HTR1F: variants seen among roughly 807,000 people sequenced by gnomAD.
The protein encoded by HTR1F is 5-hydroxytryptamine receptor 1F.
In HTR1F, 17 loss-of-function variants were observed where a neutral mutation model predicts 24.0. The observed-to-expected ratio is 0.71, with a 90% CI of 0.48 to 1.06. The LOEUF is 1.06. Ranked by LOEUF, HTR1F falls within the 50% of genes least tolerant of loss-of-function variation. HTR1F has a pLI of 0.00. For synonymous variants in HTR1F, 186 were observed against 156.8 expected (o/e 1.19, Z -1.39); for missense variants, 391 against 427.8 (o/e 0.91, Z 0.76).
chr3:87,821,592 AAC>A (rs1230142580), intron 1 of HTR1F, among the ~76,000 whole-genome samples: 2 of 152,164 alleles, frequency 1.3e-5, no homozygotes, highest in Non-Finnish European at 2.9e-5. Context: ...GTTATTTGAT[AAC>A]ACTGTTCATG....
At chr3:87,969,284 C>A (rs1384143073) in intron 2 of HTR1F, among the ~76,000 whole-genome samples, 1 of 152,178 alleles carries the variant, frequency 6.6e-6, no homozygotes, top group Non-Finnish European at 1.5e-5. Context: ...ACAGCTTGCG[C>A]CTGTGTGCCA....
intron 2 of HTR1F, among the ~76,000 whole-genome samples, chr3:87,825,125 T>C (rs1401949970): frequency 1.3e-5 from 2 of 152,216 alleles, no homozygotes; most frequent in Non-Finnish European, 2.9e-5. Flanking sequence ...TAATGTCTTA[T>C]TTGCCTTAAC....
intron 2 of HTR1F, among the ~76,000 whole-genome samples, chr3:87,839,122 C>A (rs1395952268): frequency 3.3e-5 from 5 of 150,490 alleles, no homozygotes; most frequent in Admixed American, 2.7e-4. Flanking sequence ...GGTTCATACT[C>A]AAAAAAATCA....
chr3:87,896,561 A>G (rs1706203213), intron 2 of HTR1F, among the ~76,000 whole-genome samples: 1 of 152,214 alleles, frequency 6.6e-6, no homozygotes, highest in Non-Finnish European at 1.5e-5. Context: ...GAGCAAAAAT[A>G]AACAAATGAG....
chr3:87,933,106 A>G, intron 2 of HTR1F, among the ~76,000 whole-genome samples: 1 of 151,598 alleles, frequency 6.6e-6, no homozygotes, highest in Non-Finnish European at 1.5e-5. Flanking sequence ...CAAAAACCAC[A>G]TGATTATCTC....
chr3:87,914,185 G>T (rs1009623479), intron 2 of HTR1F, among the ~76,000 whole-genome samples: 34 of 152,244 alleles, frequency 2.2e-4, no homozygotes, highest in African/African-American at 6.7e-4. Context: ...GGTGGCAGCA[G>T]GAAACCCCTG....
intron 1 of HTR1F, among the ~76,000 whole-genome samples, chr3:87,797,029 C>A (rs1703916560): frequency 6.6e-6 from 1 of 152,160 alleles, no homozygotes; most frequent in Non-Finnish European, 1.5e-5. Context: ...GTTTCAGTTA[C>A]CGGCAGTCAA....
chr3:87,953,176 G>T lies in HTR1F; in HGVS notation c.-42-37532G>T, dbSNP rs188593015. Among the ~76,000 whole-genome samples the T allele has an allele frequency of 1.1e-3, 174 of 151,406 alleles. 1 individual carries two copies. The highest frequency in any genetic ancestry group is 1.8e-3 in the Non-Finnish European group (124 of 67,642). ...TATAACTAAGACTTCAAAAGCACAG[G>T]CAACAAAAACAAAAATAGAGAAAAA... is the stretch of plus-strand genomic sequence containing the variant. On this transcript the variant is annotated intron_variant, in intron 2 of 2. Coordinates refer to ENST00000319595, the MANE Select transcript of HTR1F (RefSeq NM_001322209.2).
At position 87,815,304 on chromosome 3, in the gene HTR1F, ATG is replaced by A. The variant is rs1704230286; in HGVS notation, c.-159-6703_-159-6702del. Among the ~76,000 whole-genome samples, 5 of 152,160 alleles carry A rather than the reference ATG, an allele frequency of 3.3e-5. No individual in the cohort carries two copies. The South Asian group carries it at 8.3e-4, about 25-fold the overall frequency. On this transcript the variant is annotated intron_variant, in intron 1 of 2. Coordinates refer to ENST00000319595, the MANE Select transcript of HTR1F (RefSeq NM_001322209.2). ...GGGTGAATCAAATATATATATATAT[ATG>A]AACTGATACAGAAGTAGAAAAGATT... is the stretch of plus-strand genomic sequence containing the variant.
chr3:87,884,655 A>G (rs1267551046), intron 2 of HTR1F, among the ~76,000 whole-genome samples: 1 of 151,408 alleles, frequency 6.6e-6, no homozygotes, highest in African/African-American at 2.4e-5. Flanking sequence ...ATGGAGGAAG[A>G]TCTACCAAGC....
intron 2 of HTR1F, among the ~76,000 whole-genome samples, chr3:87,891,982 A>C (rs1238049048): frequency 2.0e-5 from 3 of 152,032 alleles, no homozygotes. Flanking sequence ...ACACATTTTC[A>C]CCCTTCCACA....
At chr3:87,867,523 A>G (rs73147258) in intron 2 of HTR1F, among the ~76,000 whole-genome samples, 5,343 of 149,612 alleles carry the variant, frequency 0.036, 186 homozygotes, top group South Asian at 0.056. Context: ...CCAAAATATC[A>G]AAGTAAAATA....
At chr3:87,834,588 A>C (rs1704646157) in intron 2 of HTR1F, among the ~76,000 whole-genome samples, 1 of 152,176 alleles carries the variant, frequency 6.6e-6, no homozygotes, top group African/African-American at 2.4e-5. Context: ...CCAGTTATAA[A>C]CACACTTTGA....
chr3:87,875,175 G>A (rs1248193764), intron 2 of HTR1F, among the ~76,000 whole-genome samples: 1 of 152,172 alleles, frequency 6.6e-6, no homozygotes, highest in African/African-American at 2.4e-5. Flanking sequence ...AGTAGGCCAG[G>A]TGTGATGGCT....
intron 2 of HTR1F, among the ~76,000 whole-genome samples, chr3:87,840,560 A>G (rs1704779949): frequency 6.6e-6 from 1 of 152,132 alleles, no homozygotes; most frequent in Non-Finnish European, 1.5e-5. Flanking sequence ...AATAATAATA[A>G]TAATATTAAC....
At chr3:87,810,676 T>A (rs1200615112) in intron 1 of HTR1F, among the ~76,000 whole-genome samples, 8 of 152,240 alleles carry the variant, frequency 5.3e-5, no homozygotes, top group Middle Eastern at 3.2e-3. Context: ...GCCAGGAAGA[T>A]GTTGGTATCA....
At chr3:87,858,502 A>C (rs1224896011) in intron 2 of HTR1F, among the ~76,000 whole-genome samples, 1 of 152,190 alleles carries the variant, frequency 6.6e-6, no homozygotes, top group Non-Finnish European at 1.5e-5. Context: ...TTATAGATTC[A>C]TCCTAATCCC....
At chr3:87,803,616 A>T (rs1425332881) in intron 1 of HTR1F, among the ~76,000 whole-genome samples, 1 of 152,186 alleles carries the variant, frequency 6.6e-6, no homozygotes, top group Non-Finnish European at 1.5e-5. Flanking sequence ...GACATAAGAT[A>T]CAAAATATGT....
At chr3:87,960,594 T>C (rs970027358) in intron 2 of HTR1F, among the ~76,000 whole-genome samples, 5 of 152,042 alleles carry the variant, frequency 3.3e-5, no homozygotes, top group African/African-American at 2.4e-5. Flanking sequence ...TTCCCTCATC[T>C]ACATAAGGCT....
Sources: gnomAD v4.1 joint callset for allele counts (sites outside exome capture counted in the v4.1 genomes callset) on GRCh38, gnomAD v4.1.1 for gene constraint, MANE v1.5 for transcripts, NCBI Gene and HGNC (gene_info 2026-07-23, HGNC 2026-07-21) for gene names.